BICRA: variants seen among roughly 807,000 people sequenced by gnomAD.
BICRA encodes the protein BRD4-interacting chromatin-remodeling complex-associated protein.
BICRA carries 31 observed loss-of-function variants against 96.9 expected under a neutral mutation model. The ratio of observed to expected loss-of-function variants is 0.32; its 90% CI spans 0.24 to 0.43. The LOEUF (loss-of-function observed/expected upper bound fraction) is 0.43. Ranked by LOEUF, BICRA falls within the 20% of genes least tolerant of loss-of-function variation. The pLI is 1.00. For missense variants in BICRA, 2,283 were observed against 2,190.3 expected, an observed-to-expected ratio of 1.04 and a Z score of -0.84; for synonymous variants, 1,350 against 1,071.8, an observed-to-expected ratio of 1.26 and a Z score of -5.07.
chr19:47,702,502 G>A lies in BICRA; in HGVS notation c.*87G>A. 1 of 1,366,776 alleles carries A rather than the reference G, an allele frequency of 7.3e-7. No individual in the cohort carries two copies. The highest frequency in any genetic ancestry group is 1.5e-5 in the African/African-American group (1 of 65,038). The allele number at this position is 1,366,776 out of a possible 1,614,324, so 84.7% of individuals were successfully genotyped here. A position where few individuals can be genotyped will look rare whatever the true frequency, so the allele number is the denominator to read the frequency against. ...CGCCCTCAGCCTCCTGGGGACTCGAGCCGGGGATCCCCTGACGGTTTTTCT... is the reference window on the plus strand; with the variant it reads ...CGCCCTCAGCCTCCTGGGGACTCGAACCGGGGATCCCCTGACGGTTTTTCT... On this transcript the variant is annotated 3_prime_UTR_variant, in exon 15 of 15. Transcript: ENST00000594866.
In BICRA at chr19:47,702,697, ACT is replaced by A. The variant is rs1339257697; in HGVS notation, c.*285_*286del. ...CCTGTTTCTTCCCATTTCCTGGCAC[ACT>A]CTGCCCCTCTGTCCGGGGGACACGC... On this transcript the variant is annotated 3_prime_UTR_variant, in exon 15 of 15. Transcript: ENST00000594866. 1.9e-5 allele frequency: 9 copies of A among 469,362 alleles called. No individual in the cohort carries two copies. Among genetic ancestry groups the A allele is most frequent in the Non-Finnish European group, 3.4e-5 (9 of 268,570 alleles). The allele number at this position is 469,362 out of a possible 1,614,324, so 29.1% of individuals were successfully genotyped here.
intron 1 of BICRA, among the ~76,000 whole-genome samples, chr19:47,667,217 A>G (rs1972794615): frequency 6.6e-6 from 1 of 151,840 alleles, no homozygotes; most frequent in South Asian, 2.1e-4. Context: ...ACGGGGTTTC[A>G]CCATTCACAC....
intron 1 of BICRA, among the ~76,000 whole-genome samples, chr19:47,655,646 A>G (rs1198737685): frequency 1.3e-5 from 2 of 150,768 alleles, no homozygotes; most frequent in African/African-American, 2.4e-5. Context: ...TGAGGTCAGG[A>G]GTTCGAGACC....
chr19:47,680,365 T>A lies in BICRA; in HGVS notation c.1195T>A (p.Phe399Ile). 6.5e-7 allele frequency: 1 copy of A among 1,529,918 alleles called. No homozygotes were observed. The highest frequency in any genetic ancestry group is 8.7e-7 in the Non-Finnish European group (1 of 1,143,398). The allele number at this position is 1,529,918 out of a possible 1,614,324, so 94.8% of individuals were successfully genotyped here. A position where few individuals can be genotyped will look rare whatever the true frequency, so the allele number is the denominator to read the frequency against. The change falls in exon 6 of 15, where the codon TTC becomes ATC. Residue 399 changes from phenylalanine to isoleucine, a missense_variant. Transcript: ENST00000594866. Reference sequence around the variant, plus strand: ...GCCCAAGGCCCCGCAGAACCTGACGTTCATGGCGGCGGGGAAGGCGGGCCA... The same window carrying A: ...GCCCAAGGCCCCGCAGAACCTGACGATCATGGCGGCGGGGAAGGCGGGCCA... The part of the protein sequence containing the change: ...QQPKAPQNLT[F>I]MAAGKAGQNV...
At chr19:47,633,080 CTTTTTTT>C (rs34761702) in intron 1 of BICRA, among the ~76,000 whole-genome samples, 5 of 93,222 alleles carry the variant, frequency 5.4e-5, no homozygotes, top group East Asian at 2.9e-4. Context: ...GATTTTATTT[CTTTTTTT>C]TTTTTTTTTT....
chr19:47,694,083 G>T, intron 7 of BICRA, 32 bp from the exon 8 acceptor site: 5 of 1,093,872 alleles, frequency 4.6e-6, no homozygotes, highest in South Asian at 2.2e-5. Context: ...TCTGACCCCC[G>T]CCCCTCCCCT....
In BICRA at chr19:47,609,326, C is replaced by A. The variant is rs371158413; in HGVS notation, c.-108+158C>A. On this transcript the variant is annotated intron_variant, in intron 1 of 14. Coordinates refer to ENST00000594866, the MANE Select transcript of BICRA (RefSeq NM_001394372.1). ...GGAGCCGGGGCCGAACCCACCCCCGCGACACTCTCACACTCAGCCCCCCAG... is the reference window on the plus strand; with the variant it reads ...GGAGCCGGGGCCGAACCCACCCCCGAGACACTCTCACACTCAGCCCCCCAG... 1.2e-3 allele frequency among the ~76,000 whole-genome samples: 177 copies of A among 147,894 alleles called. 3 individuals carry two copies. In the East Asian group the frequency reaches 0.036, roughly 30 times the overall value.
In BICRA at chr19:47,695,060, C is replaced by T. The variant is rs566879134; in HGVS notation, c.3056C>T (p.Pro1019Leu). The T allele has an allele frequency of 4.4e-4, 654 of 1,497,188 alleles. 3 individuals carry two copies. The highest frequency in any genetic ancestry group is 1.8e-3 in the Middle Eastern group (8 of 4,544). The allele number at this position is 1,497,188 out of a possible 1,614,324, so 92.7% of individuals were successfully genotyped here. A position where few individuals can be genotyped will look rare whatever the true frequency, so the allele number is the denominator to read the frequency against. Residue 1019 changes from proline to leucine, a missense_variant, in exon 9 of 15, where the codon CCG becomes CTG. Physicochemically the swap from Pro to Leu is moderately conservative, Grantham distance 98. Coordinates refer to ENST00000594866, the MANE Select transcript of BICRA (RefSeq NM_001394372.1). ...TPTAPSHAPA[P>L]APMAATGLPP... ...ACTGCCCCCAGCCACGCCCCCGCCC[C>T]GGCACCCATGGCCGCCACAGGTAGG...
Position 47,701,618 on chromosome 19 carries a change from C to G in BICRA, c.3886C>G (p.Pro1296Ala), listed in dbSNP as rs1448021519. ...CCCCATGCCCTCCCGCAACCGCCCGCCCATCAAGACCTACGAGGCCCGGAG... is the reference window on the plus strand; with the variant it reads ...CCCCATGCCCTCCCGCAACCGCCCGGCCATCAAGACCTACGAGGCCCGGAG... ...DGPMPSRNRP[P>A]IKTYEARSRI... is the part of the protein sequence containing the mutation. The change falls in exon 15 of 15, where the codon CCC becomes GCC. Residue 1296 changes from proline to alanine, a missense_variant. Pro to Ala is a conservative substitution (Grantham distance 27, BLOSUM62 -1). Coordinates refer to ENST00000594866, the MANE Select transcript of BICRA (RefSeq NM_001394372.1). The surrounding 1 kb of genome is among the most constrained non-coding windows in gnomAD (Gnocchi z 5.4). 6.4e-7 allele frequency: 1 copy of G among 1,570,802 alleles called. No individual in the cohort carries two copies. Among genetic ancestry groups the G allele is most frequent in the Admixed American group, 1.9e-5 (1 of 53,322 alleles).
chr19:47,656,033 G>A (rs1358917991), intron 1 of BICRA, among the ~76,000 whole-genome samples: 3 of 150,636 alleles, frequency 2.0e-5, no homozygotes, highest in South Asian at 2.1e-4. Flanking sequence ...CCAGGAGGTC[G>A]AGACCAGCCT....
At chr19:47,696,086 A>G (rs1372382804) in intron 10 of BICRA, among the ~76,000 whole-genome samples, 1 of 152,086 alleles carries the variant, frequency 6.6e-6, no homozygotes, top group East Asian at 1.9e-4. Context: ...CAGGAGCCAC[A>G]CTGGGAGAGA....
intron 1 of BICRA, among the ~76,000 whole-genome samples, chr19:47,623,846 C>CT (rs58458331): frequency 0.065 from 9,042 of 139,410 alleles, 638 homozygotes; most frequent in African/African-American, 0.18. Flanking sequence ...CTCTCTCTCT[C>CT]TTTTTTTTTT....
intron 1 of BICRA, among the ~76,000 whole-genome samples, chr19:47,609,441 C>T (rs1285444763): frequency 2.2e-5 from 3 of 137,518 alleles, no homozygotes; most frequent in East Asian, 2.3e-4. Context: ...AGCCCCGCGT[C>T]TCTTCCACCA....
chr19:47,611,795 G>A (rs866129056), intron 1 of BICRA, among the ~76,000 whole-genome samples: 1 of 152,058 alleles, frequency 6.6e-6, no homozygotes, highest in East Asian at 1.9e-4. Flanking sequence ...TTATCCAAAC[G>A]TGTCATTCAT....
chr19:47,644,793 G>A (rs373390243), intron 1 of BICRA, among the ~76,000 whole-genome samples: 5 of 152,076 alleles, frequency 3.3e-5, no homozygotes, highest in African/African-American at 9.7e-5. Flanking sequence ...GAGCCACCGC[G>A]CCCGGATTTC....
At chr19:47,615,329 A>G (rs944068647) in intron 1 of BICRA, among the ~76,000 whole-genome samples, 11 of 152,124 alleles carry the variant, frequency 7.2e-5, no homozygotes, top group South Asian at 2.1e-4. Context: ...CTCCTCTTCA[A>G]TGTGATCCCA....
In BICRA at chr19:47,698,513, T is replaced by C; in HGVS notation, c.3249-121T>C. On this transcript the variant is annotated intron_variant, in intron 11 of 14. Coordinates refer to ENST00000594866, the MANE Select transcript of BICRA (RefSeq NM_001394372.1). This position sits in a 1 kb window ranked among gnomAD's most constrained non-coding sequence, Gnocchi z 4.8. Reference sequence around the variant, plus strand: ...ACATGGGAACACCACTGCCCAAGTATTCCCCTTCCCGCTGTTGTGTTCAGT... The same window carrying C: ...ACATGGGAACACCACTGCCCAAGTACTCCCCTTCCCGCTGTTGTGTTCAGT... 1 of 662,904 alleles carries C rather than the reference T, an allele frequency of 1.5e-6. No homozygotes were observed. The highest frequency in any genetic ancestry group is 2.7e-6 in the Non-Finnish European group (1 of 364,262). The allele number at this position is 662,904 out of a possible 1,614,324, so 41.1% of individuals were successfully genotyped here.
chr19:47,702,244 C>T lies in BICRA; in HGVS notation c.4512C>T (p.Ala1504=). ...DDTLTEHLQS[A]IDSILNLQQA... ...CGCTCACCGAGCACCTGCAGAGCGC[C>T]ATCGACAGCATCCTGAACCTGCAGC... The change falls in exon 15 of 15, where the codon GCC becomes GCT. Residue 1504 remains alanine (A), a synonymous_variant. Coordinates refer to ENST00000594866, the MANE Select transcript of BICRA (RefSeq NM_001394372.1). The T allele has an allele frequency of 1.3e-6, 2 of 1,599,188 alleles. No homozygotes were observed. The highest frequency in any genetic ancestry group is 1.7e-6 in the Non-Finnish European group (2 of 1,177,912).
At chr19:47,641,070 ATTTTTTTTTTTT>A (rs71180861) in intron 1 of BICRA, among the ~76,000 whole-genome samples, 5 of 104,526 alleles carry the variant, frequency 4.8e-5, no homozygotes, top group Admixed American at 1.1e-4. Flanking sequence ...TGCCTGGCTA[ATTTTTTTTTTTT>A]TTTTTTTTTT....
Sources: gnomAD v4.1 joint callset for allele counts (sites outside exome capture counted in the v4.1 genomes callset) on GRCh38, gnomAD v4.1.1 for gene constraint, Gnocchi (gnomAD v3.1) non-coding constraint, MANE v1.5 for transcripts, NCBI Gene and HGNC (gene_info 2026-07-23, HGNC 2026-07-21) for gene names.